Variants in FLNB observed in about 807,000 individuals in gnomAD.
The protein encoded by FLNB is filamin-B.
In FLNB, 111 loss-of-function variants were observed where a neutral mutation model predicts 250.6. That is an observed-to-expected ratio of 0.44 (90% CI 0.38 to 0.52). The LOEUF is 0.52. FLNB is among the 20% of genes least tolerant of loss of function. The pLI is 0.00. For synonymous variants in FLNB, 1,302 were observed against 1,372.1 expected (o/e 0.95, Z 1.13); for missense variants, 2,869 against 3,447.8 (o/e 0.83, Z 4.20).
At chr3:58,017,582 G>A (rs1576588478) in intron 1 of FLNB, among the ~76,000 whole-genome samples, 1 of 152,258 alleles carries the variant, frequency 6.6e-6, no homozygotes. Context: ...TGGGAGGGGA[G>A]GAGGACAAAG....
At chr3:58,046,831 C>T (rs1040239362) in intron 1 of FLNB, among the ~76,000 whole-genome samples, 2 of 152,318 alleles carry the variant, frequency 1.3e-5, no homozygotes, top group South Asian at 4.1e-4. Flanking sequence ...AACCACTAAT[C>T]TACTCTGTCT....
At chr3:58,056,700 C>T (rs1267375695) in intron 1 of FLNB, among the ~76,000 whole-genome samples, 1 of 151,908 alleles carries the variant, frequency 6.6e-6, no homozygotes, top group Non-Finnish European at 1.5e-5. Flanking sequence ...CTCCTGGGTT[C>T]AAGCCTCAGC....
At chr3:58,098,644 T>C in intron 7 of FLNB, 67 bp from the exon 8 acceptor site, 2 of 1,506,836 alleles carry the variant, frequency 1.3e-6, no homozygotes, top group Non-Finnish European at 1.8e-6. Flanking sequence ...GTTTGCATTT[T>C]GCACTCAGCA....
At position 58,121,447 on chromosome 3, in the gene FLNB, C is replaced by T. The variant is rs747814541; in HGVS notation, c.3070C>T (p.Pro1024Ser). 4 of 1,614,074 alleles carry T rather than the reference C, an allele frequency of 2.5e-6. No individual in the cohort carries two copies. The highest frequency in any genetic ancestry group is 2.2e-5 in the East Asian group (1 of 44,888). ...YAVDVTYDGH[P>S]VPGSPYTVEA... ...TGTAGACGTGACCTACGATGGACAC[C>T]CTGTGCCCGGGAGCCCCTACACAGT... The change falls in exon 20 of 46, where the codon CCT becomes TCT. Residue 1024 changes from proline to serine, a missense_variant. Pro to Ser is a moderately conservative substitution (Grantham distance 74, BLOSUM62 -1). Coordinates refer to ENST00000295956, the MANE Select transcript of FLNB (RefSeq NM_001457.4).
At chr3:58,135,868 A>G (rs2097315040) in intron 27 of FLNB, 111 bp from the exon 28 acceptor site, 2 of 1,089,682 alleles carry the variant, frequency 1.8e-6, no homozygotes, top group African/African-American at 1.6e-5. Context: ...TTAAGCCATC[A>G]ATTCTGTCTG....
chr3:58,131,874 G>C, intron 25 of FLNB: 1 of 1,210,754 alleles, frequency 8.3e-7, no homozygotes, highest in Non-Finnish European at 1.2e-6. Context: ...AGCTTTACTT[G>C]GATATCTGCC....
At chr3:58,078,151 A>G in intron 2 of FLNB, 1 of 554,194 alleles carries the variant, frequency 1.8e-6, no homozygotes, top group Non-Finnish European at 2.3e-6. Flanking sequence ...CATCCAGGAA[A>G]AATTCAAAGT....
intron 1 of FLNB, among the ~76,000 whole-genome samples, chr3:58,038,640 G>C (rs930545505): frequency 6.6e-6 from 1 of 151,226 alleles, no homozygotes; most frequent in African/African-American, 2.4e-5. Context: ...TGTTCCCCAG[G>C]CTGGTCTCAA....
rs1193486311 is a variant in FLNB at position 58,142,805 on chromosome 3, C to T, written c.5284+53C>T. ...ATTCTCACTTGCTCTCACGAGCTTCCCAGAATGGTGCTGGGGAGGTGTGTC... is the reference window on the plus strand; with the variant it reads ...ATTCTCACTTGCTCTCACGAGCTTCTCAGAATGGTGCTGGGGAGGTGTGTC... On this transcript the variant is annotated intron_variant, in intron 31 of 45. Transcript: ENST00000295956. This position sits in a 1 kb window ranked among gnomAD's most constrained non-coding sequence, Gnocchi z 4.3. The T allele has an allele frequency of 6.7e-7, 1 of 1,494,984 alleles. No homozygotes were observed. The highest frequency in any genetic ancestry group is 9.3e-7 in the Non-Finnish European group (1 of 1,073,520). The allele number at this position is 1,494,984 out of a possible 1,614,324, so 92.6% of individuals were successfully genotyped here. A position where few individuals can be genotyped will look rare whatever the true frequency, so the allele number is the denominator to read the frequency against.
chr3:58,157,527 C>T (rs781756461), intron 41 of FLNB, among the ~76,000 whole-genome samples: 30 of 152,214 alleles, frequency 2.0e-4, no homozygotes, highest in Middle Eastern at 3.2e-3. Context: ...CGGCCTCATC[C>T]GGAGAATACC....
chr3:58,066,613 T>C (rs981370521), intron 1 of FLNB, among the ~76,000 whole-genome samples: 11 of 152,248 alleles, frequency 7.2e-5, no homozygotes, highest in South Asian at 2.1e-4. Flanking sequence ...GGTAAGATAG[T>C]TACTGTATCC....
At chr3:58,045,999 C>CAAAA (rs34327981) in intron 1 of FLNB, among the ~76,000 whole-genome samples, 11 of 68,998 alleles carry the variant, frequency 1.6e-4, no homozygotes, top group South Asian at 8.0e-4. Flanking sequence ...ACTCCGTCTC[C>CAAAA]AAAAAAAAAA....
rs1204181888 is a variant in FLNB, at chr3:58,154,861, G to A, written c.6705G>A (p.Lys2235=). The change falls in exon 40 of 46, where the codon AAG becomes AAA. Residue 2235 remains lysine (K), a synonymous_variant. Transcript: ENST00000295956. The stretch of plus-strand genomic sequence containing the variant: ...CCATCGCTGTTGAGGGCCCCAGTAA[G>A]GCCGAGATTACATTCGATGACCATA... The part of the protein sequence containing the change: ...GLSIAVEGPS[K]AEITFDDHKN... 3.7e-6 allele frequency: 6 copies of A among 1,613,948 alleles called. No homozygotes were observed. Among genetic ancestry groups the A allele is most frequent in the African/African-American group, 1.3e-5 (1 of 74,922 alleles).
At position 58,077,181 on chromosome 3, in the gene FLNB, A is replaced by T; in HGVS notation, c.428A>T (p.Gln143Leu). 1 of 1,614,176 alleles carries T rather than the reference A, an allele frequency of 6.2e-7. No homozygotes were observed. Among genetic ancestry groups the T allele is most frequent in the African/African-American group, 1.3e-5 (1 of 75,054 alleles). ...GATGCCAAGAAGCAGACGCCAAAGC[A>T]GAGGCTGCTGGGGTGGATTCAGAAC... ...DDDAKKQTPKQRLLGWIQNKI... is the reference protein window; with the variant it reads ...DDDAKKQTPKLRLLGWIQNKI... The change falls in exon 2 of 46, where the codon CAG (glutamine) becomes CTG (leucine). Residue 143 changes from glutamine (Q) to leucine (L), a missense_variant. Physicochemically the swap from Gln to Leu is moderately radical, Grantham distance 113 (BLOSUM62 -2). This residue lies in a region of FLNB where 308 missense variants were observed against 466.1 expected (regional missense o/e 0.66). Coordinates refer to ENST00000295956, the MANE Select transcript of FLNB (RefSeq NM_001457.4).
intron 1 of FLNB, among the ~76,000 whole-genome samples, chr3:58,072,695 C>G (rs1465093200): frequency 6.6e-6 from 1 of 152,182 alleles, no homozygotes; most frequent in South Asian, 2.1e-4. Context: ...TGCTCTCTCT[C>G]TAGTCCTTAT....
intron 44 of FLNB, 142 bp downstream of exon 44, chr3:58,168,800 C>T (rs917525500): frequency 7.0e-6 from 5 of 712,378 alleles, no homozygotes; most frequent in Non-Finnish European, 1.3e-5. Context: ...TATGAGATGT[C>T]AGAGGGCAGT....
intron 1 of FLNB, among the ~76,000 whole-genome samples, chr3:58,027,179 G>T (rs972017885): frequency 2.0e-5 from 3 of 151,672 alleles, no homozygotes; most frequent in African/African-American, 4.8e-5. Context: ...TCCAGACAGG[G>T]TCTCCCTCTG....
rs748051826 is a variant in FLNB, at chr3:58,077,063, G to T, written c.310G>T (p.Asp104Tyr). The T allele has an allele frequency of 8.1e-6, 13 of 1,614,020 alleles. No homozygotes were observed. In the South Asian group the frequency reaches 1.4e-4, roughly 18 times the overall value. Residue 104 changes from aspartate (D) to tyrosine (Y), a missense_variant, in exon 2 of 46, where the codon GAT (aspartate) becomes TAT (tyrosine). Around this residue, in one of 5 missense-constraint regions of FLNB, gnomAD observed 308 missense variants for 466.1 expected, o/e 0.66. Transcript: ENST00000295956. ...LVSIDSKAIVDGNLKLILGLV... is the reference protein window; with the variant it reads ...LVSIDSKAIVYGNLKLILGLV... ...CTCCCCAGATAGCAAAGCCATTGTGGATGGGAACCTGAAGCTCATCTTGGG... is the reference window on the plus strand; with the variant it reads ...CTCCCCAGATAGCAAAGCCATTGTGTATGGGAACCTGAAGCTCATCTTGGG...
At chr3:58,102,448 C>A in intron 9 of FLNB, 108 bp downstream of exon 9, 1 of 1,283,466 alleles carries the variant, frequency 7.8e-7, no homozygotes, top group Non-Finnish European at 1.1e-6. Context: ...TCCCAGAAGG[C>A]TATGTCAAGG....
Sources: gnomAD v4.1 joint callset for allele counts (sites outside exome capture counted in the v4.1 genomes callset) on GRCh38, gnomAD v4.1.1 for gene constraint, gnomAD v4.1.1 regional missense constraint, Gnocchi (gnomAD v3.1) non-coding constraint, MANE v1.5 for transcripts, NCBI Gene and HGNC (gene_info 2026-07-23, HGNC 2026-07-21) for gene names.